USH2A: variants seen among roughly 807,000 people sequenced by gnomAD.
The protein encoded by USH2A is usherin, also known as Usher syndrome 2A (autosomal recessive, mild).
In USH2A, 443 loss-of-function variants were observed where a neutral mutation model predicts 538.9. The observed-to-expected ratio is 0.82, with a 90% CI of 0.76 to 0.89. The LOEUF (loss-of-function observed/expected upper bound fraction) is 0.89, where lower values mean the gene tolerates loss of function less well. Among genes scored for constraint, USH2A ranks in the 40% least tolerant of loss-of-function variants. USH2A has a pLI of 0.00. For missense variants in USH2A, 6,633 were observed against 6,324.8 expected (o/e 1.05, Z -1.65); for synonymous variants, 2,413 against 2,273.5 (o/e 1.06, Z -1.75).
rs1013790740 is a variant in USH2A, at chr1:216,143,115, C to A, written c.4627+32137G>T. 3.9e-5 allele frequency among the ~76,000 whole-genome samples: 6 copies of A among 152,098 alleles called. No homozygotes were observed. The highest frequency in any genetic ancestry group is 2.1e-4 in the South Asian group (1 of 4,828). On this transcript the variant is annotated intron_variant, in intron 21 of 71. Transcript: ENST00000307340. ...TTGTTGCTTTCTTTTGAAACCTCTGCCAAACTTGTCTATGTTGTAATAAGT... is the reference window on the plus strand; with the variant it reads ...TTGTTGCTTTCTTTTGAAACCTCTGACAAACTTGTCTATGTTGTAATAAGT...
At chr1:215,931,692 A>G (rs1666367343) in intron 38 of USH2A, among the ~76,000 whole-genome samples, 1 of 152,030 alleles carries the variant, frequency 6.6e-6, no homozygotes. Flanking sequence ...AGCAATCTTG[A>G]CTAATTTATT....
intron 71 of USH2A, among the ~76,000 whole-genome samples, chr1:215,627,694 T>C (rs1438444645): frequency 6.6e-6 from 1 of 151,926 alleles, no homozygotes; most frequent in Non-Finnish European, 1.5e-5. Context: ...CCCAGCTAAT[T>C]TTTGTATTTT....
intron 32 of USH2A, among the ~76,000 whole-genome samples, chr1:216,015,639 G>A (rs1668690742): frequency 6.6e-6 from 1 of 152,172 alleles, no homozygotes; most frequent in African/African-American, 2.4e-5. Context: ...CACCAACAGT[G>A]TAAAAGCATT....
intron 31 of USH2A, among the ~76,000 whole-genome samples, chr1:216,048,310 T>C (rs1358497401): frequency 6.6e-6 from 1 of 152,192 alleles, no homozygotes; most frequent in Non-Finnish European, 1.5e-5. Flanking sequence ...AAAAAGCCCA[T>C]TAATCTGCAT....
intron 70 of USH2A, among the ~76,000 whole-genome samples, chr1:215,631,837 G>A (rs186273199): frequency 2.0e-5 from 3 of 152,322 alleles, no homozygotes; most frequent in Admixed American, 6.5e-5. Context: ...GGAACAGGGT[G>A]TTTACATTCT....
At position 216,084,716 on chromosome 1, in the gene USH2A, C is replaced by A. The variant is rs749693525; in HGVS notation, c.5149G>T (p.Ala1717Ser). 2 of 1,613,210 alleles carry A rather than the reference C, an allele frequency of 1.2e-6. No homozygotes were observed. Among genetic ancestry groups the A allele is most frequent in the Non-Finnish European group, 8.5e-7 (1 of 1,179,568 alleles). ...EGCPASLNEGAQFLGAGFLEL... is the reference protein window; with the variant it reads ...EGCPASLNEGSQFLGAGFLEL... The stretch of plus-strand genomic sequence containing the variant: ...GCATTACCTGCTCCTAGGAACTGAG[C>A]TCCCTCATTTAATGAAGCGGGACAT... Residue 1717 changes from alanine to serine, a missense_variant, in exon 25 of 72, where the codon GCT (alanine) becomes TCT (serine). By Grantham distance (99) the Ala-to-Ser change is moderately conservative (BLOSUM62 1). Transcript: ENST00000307340.
rs774618856 is a variant in USH2A at position 216,251,021 on chromosome 1, T to C, written c.2049A>G (p.Leu683=). ...CNQCQNGFYN[L]QELDPDGCSP... Reference sequence around the variant, plus strand: ...TGCAGCCATCAGGATCCAACTCTTGTAGATTGTAGAATCCATTCTGGCACT... The same window carrying C: ...TGCAGCCATCAGGATCCAACTCTTGCAGATTGTAGAATCCATTCTGGCACT... Residue 683 remains leucine, a synonymous_variant, in exon 12 of 72, where the codon CTA becomes CTG. Coordinates refer to ENST00000307340, the MANE Select transcript of USH2A (RefSeq NM_206933.4). 8.1e-6 allele frequency: 13 copies of C among 1,613,992 alleles called. No homozygotes were observed. The highest frequency in any genetic ancestry group is 4.5e-5 in the East Asian group (2 of 44,840).
At chr1:216,231,642 G>T (rs982923505) in intron 14 of USH2A, among the ~76,000 whole-genome samples, 3 of 151,560 alleles carry the variant, frequency 2.0e-5, no homozygotes, top group Non-Finnish European at 4.4e-5. Flanking sequence ...TACCCCTCCC[G>T]GTTCAAGCGA....
intron 44 of USH2A, among the ~76,000 whole-genome samples, chr1:215,859,870 T>C (rs1270750222): frequency 6.6e-6 from 1 of 152,190 alleles, no homozygotes; most frequent in Non-Finnish European, 1.5e-5. Flanking sequence ...AGGGTTTATA[T>C]CACCACCAAA....
chr1:215,822,970 A>G (rs1663053174), intron 47 of USH2A, among the ~76,000 whole-genome samples: 1 of 152,078 alleles, frequency 6.6e-6, no homozygotes, highest in African/African-American at 2.4e-5. Context: ...TGTCGTCTCA[A>G]TTTGTATATT....
intron 70 of USH2A, among the ~76,000 whole-genome samples, 187 bp from the exon 71 acceptor site, chr1:215,629,222 C>T (rs1656177144): frequency 6.6e-6 from 1 of 152,112 alleles, no homozygotes; most frequent in Non-Finnish European, 1.5e-5. Flanking sequence ...AACACGGTGA[C>T]CCTGGGTTTC....
chr1:215,972,548 GT>G (rs1667521184), intron 35 of USH2A, among the ~76,000 whole-genome samples: 2 of 152,026 alleles, frequency 1.3e-5, no homozygotes, highest in Admixed American at 1.3e-4. Flanking sequence ...AATACCCTCT[GT>G]TTTGAATATC....
chr1:216,108,436 C>T (rs1288558869), intron 21 of USH2A, among the ~76,000 whole-genome samples: 17 of 151,056 alleles, frequency 1.1e-4, no homozygotes, highest in Admixed American at 9.9e-4. Context: ...TGTGAGTATA[C>T]AATATGTGGC....
Position 216,364,100 on chromosome 1 carries a change from T to C in USH2A, c.784+853A>G, listed in dbSNP as rs1027244231. ...AATATGCAGGCATTTTAAAGACCAC[T>C]GTACTAGATATTTCAAGATAATTTC... On this transcript the variant is annotated intron_variant, in intron 4 of 71. Coordinates refer to ENST00000307340, the MANE Select transcript of USH2A (RefSeq NM_206933.4). 3.3e-5 allele frequency among the ~76,000 whole-genome samples: 5 copies of C among 151,556 alleles called. No homozygotes were observed. The South Asian group carries it at 8.3e-4, about 25-fold the overall frequency.
chr1:216,347,141 C>T (rs1393391768), intron 4 of USH2A, among the ~76,000 whole-genome samples: 1 of 152,016 alleles, frequency 6.6e-6, no homozygotes, highest in Non-Finnish European at 1.5e-5. Context: ...AATTTACCTA[C>T]TTTGGAGACT....
chr1:216,018,566 G>A (rs924780492), intron 32 of USH2A, among the ~76,000 whole-genome samples: 2 of 152,164 alleles, frequency 1.3e-5, no homozygotes, highest in African/African-American at 4.8e-5. Context: ...AGAACCCAAA[G>A]AGAATCCAGA....
intron 13 of USH2A, among the ~76,000 whole-genome samples, chr1:216,238,157 C>T (rs540474869): frequency 6.6e-6 from 1 of 152,144 alleles, no homozygotes; most frequent in South Asian, 2.1e-4. Flanking sequence ...TAAAAGAAAA[C>T]CAAAAGTAAA....
At chr1:215,811,644 A>T (rs1332920234) in intron 49 of USH2A, among the ~76,000 whole-genome samples, 1 of 152,036 alleles carries the variant, frequency 6.6e-6, no homozygotes, top group Non-Finnish European at 1.5e-5. Flanking sequence ...GTGGTGTCTC[A>T]CACCTGTAAT....
intron 50 of USH2A, among the ~76,000 whole-genome samples, chr1:215,797,748 C>T (rs1332423392): frequency 6.6e-6 from 1 of 152,112 alleles, no homozygotes; most frequent in Non-Finnish European, 1.5e-5. Context: ...ACTGACAATT[C>T]ATCTGGTCAC....
Sources: allele counts gnomAD v4.1 joint callset (sites outside exome capture counted in the v4.1 genomes callset), GRCh38; gene constraint gnomAD v4.1.1; transcripts MANE v1.5; gene names NCBI Gene and HGNC (gene_info 2026-07-23, HGNC 2026-07-21).